ATXN1: variants seen among roughly 807,000 people sequenced by gnomAD.
ATXN1 encodes the protein ataxin 1.
A neutral mutation model predicts 56.4 loss-of-function variants in ATXN1; 8 were observed. The observed-to-expected ratio is 0.14, with a 90% confidence interval of 0.08 to 0.26. The LOEUF is 0.26. ATXN1 is among the 10% of genes least tolerant of loss of function. The pLI, the probability that ATXN1 is intolerant of heterozygous loss-of-function variation, is 1.00. For missense variants in ATXN1, 987 were observed against 1,106.5 expected, an observed-to-expected ratio of 0.89 and a Z score of 1.53; for synonymous variants, 514 against 494.6, an observed-to-expected ratio of 1.04 and a Z score of -0.52.
intron 2 of ATXN1, among the ~76,000 whole-genome samples, chr6:16,695,506 T>C (rs1020561499): frequency 2.0e-5 from 3 of 152,244 alleles, no homozygotes; most frequent in East Asian, 1.9e-4. Flanking sequence ...ACCACCCAAG[T>C]ACCCAAGCAA....
At chr6:16,596,503 A>G (rs2113775980) in intron 3 of ATXN1, among the ~76,000 whole-genome samples, 1 of 152,332 alleles carries the variant, frequency 6.6e-6, no homozygotes, top group East Asian at 1.9e-4. Flanking sequence ...AAACACAGCC[A>G]TTCTCCACAA....
intron 2 of ATXN1, among the ~76,000 whole-genome samples, chr6:16,668,753 C>A (rs1280796550): frequency 9.9e-5 from 15 of 152,030 alleles, no homozygotes; most frequent in Admixed American, 9.8e-4. Context: ...AGGAATGCCA[C>A]AAACTGGTAT....
At chr6:16,399,359 G>A (rs12194346) in intron 6 of ATXN1, among the ~76,000 whole-genome samples, 32,109 of 152,186 alleles carry the variant, frequency 0.21, 3,854 homozygotes, top group Admixed American at 0.31. Flanking sequence ...TTCTTGGAAA[G>A]GACTTTCCCT....
At chr6:16,658,706 T>C (rs1360944259) in intron 2 of ATXN1, among the ~76,000 whole-genome samples, 1 of 152,200 alleles carries the variant, frequency 6.6e-6, no homozygotes, top group Non-Finnish European at 1.5e-5. Context: ...CCACTGTTTG[T>C]TTTTTGACAA....
chr6:16,665,449 A>G (rs1382904770), intron 2 of ATXN1, among the ~76,000 whole-genome samples: 1 of 148,728 alleles, frequency 6.7e-6, no homozygotes, highest in Non-Finnish European at 1.5e-5. Context: ...CGCTGTACAC[A>G]TGGAAGAGAA....
intron 3 of ATXN1, among the ~76,000 whole-genome samples, chr6:16,657,519 T>C (rs1383268094): frequency 6.6e-6 from 1 of 152,254 alleles, no homozygotes; most frequent in Admixed American, 6.5e-5. Flanking sequence ...GCTTTGTTTT[T>C]GCTTTTGTTC....
At chr6:16,703,294 G>T (rs962037563) in intron 2 of ATXN1, among the ~76,000 whole-genome samples, 1 of 152,082 alleles carries the variant, frequency 6.6e-6, no homozygotes, top group Non-Finnish European at 1.5e-5. Flanking sequence ...GAACACTTGG[G>T]CACAGGAAGG....
At chr6:16,614,173 T>G (rs1488775554) in intron 3 of ATXN1, among the ~76,000 whole-genome samples, 2 of 151,732 alleles carry the variant, frequency 1.3e-5, no homozygotes, top group African/African-American at 4.9e-5. Flanking sequence ...AATTTCATGG[T>G]TTTTTTGACA....
chr6:16,643,749 A>G (rs1041873874), intron 3 of ATXN1, among the ~76,000 whole-genome samples: 1 of 152,134 alleles, frequency 6.6e-6, no homozygotes, highest in African/African-American at 2.4e-5. Context: ...ATCAACTCCA[A>G]AGAGGCACAT....
intron 6 of ATXN1, among the ~76,000 whole-genome samples, chr6:16,461,669 C>T (rs1192187016): frequency 6.6e-6 from 1 of 152,208 alleles, no homozygotes; most frequent in Non-Finnish European, 1.5e-5. Context: ...AGTACTAACT[C>T]ATGAAATAAT....
rs554175309 is a variant in ATXN1 at position 16,322,999 on chromosome 6, G to A, written c.1917+3395C>T. ...CCTTCCCGGCATGCAGCATAGCCAC[G>A]CGGGGGCCAACCTCACAGACCTGCC... On this transcript the variant is annotated intron_variant, in intron 7 of 7. Coordinates refer to ENST00000436367, the MANE Select transcript of ATXN1 (RefSeq NM_001128164.2). Among the ~76,000 whole-genome samples the A allele has an allele frequency of 8.5e-5, 13 of 152,292 alleles. No homozygotes were observed. In the South Asian group the frequency reaches 1.7e-3, roughly 19 times the overall value.
chr6:16,430,748 T>G (rs1759265782), intron 6 of ATXN1, among the ~76,000 whole-genome samples: 1 of 152,040 alleles, frequency 6.6e-6, no homozygotes, highest in African/African-American at 2.4e-5. Flanking sequence ...TGTGTATGTG[T>G]GTGTAGTAAC....
intron 3 of ATXN1, among the ~76,000 whole-genome samples, chr6:16,638,339 A>C (rs1251426958): frequency 6.6e-6 from 1 of 151,882 alleles, no homozygotes; most frequent in Middle Eastern, 3.4e-3. Flanking sequence ...ACAGCTACTC[A>C]GAAGGCTCAG....
At chr6:16,692,731 A>T (rs905553513) in intron 2 of ATXN1, among the ~76,000 whole-genome samples, 2 of 152,206 alleles carry the variant, frequency 1.3e-5, no homozygotes, top group African/African-American at 2.4e-5. Context: ...CTTTACCTGT[A>T]TTCCATTGTG....
intron 4 of ATXN1, among the ~76,000 whole-genome samples, chr6:16,529,649 T>C (rs1357101566): frequency 6.6e-6 from 1 of 152,238 alleles, no homozygotes; most frequent in Admixed American, 6.5e-5. Flanking sequence ...CCAACTTTTT[T>C]CATTTATTAC....
At chr6:16,471,414 C>T (rs1405463221) in intron 6 of ATXN1, among the ~76,000 whole-genome samples, 2 of 152,108 alleles carry the variant, frequency 1.3e-5, no homozygotes, top group Non-Finnish European at 2.9e-5. Context: ...CTCGGCATTC[C>T]TGAGTTTGCT....
chr6:16,751,784 A>T (rs1183312908), intron 2 of ATXN1, among the ~76,000 whole-genome samples: 1 of 152,242 alleles, frequency 6.6e-6, no homozygotes, highest in Non-Finnish European at 1.5e-5. Context: ...AACCATCATA[A>T]AACATGACCA....
chr6:16,750,243 G>A (rs939195833), intron 2 of ATXN1, among the ~76,000 whole-genome samples: 13 of 152,190 alleles, frequency 8.5e-5, no homozygotes, highest in South Asian at 2.1e-4. Context: ...ACTGCCTTCC[G>A]GTAGCTCTTA....
At chr6:16,535,564 T>C (rs879741635) in intron 4 of ATXN1, among the ~76,000 whole-genome samples, 2 of 152,150 alleles carry the variant, frequency 1.3e-5, no homozygotes, top group Non-Finnish European at 2.9e-5. Context: ...TGAGTTCATA[T>C]TGATATAAAT....
Sources: allele counts gnomAD v4.1 joint callset (sites outside exome capture counted in the v4.1 genomes callset), GRCh38; gene constraint gnomAD v4.1.1; transcripts MANE v1.5; gene names NCBI Gene and HGNC (gene_info 2026-07-23, HGNC 2026-07-21).